The following GMDS variants were observed in gnomAD, a reference collection of about 807,000 sequenced individuals.
The protein encoded by GMDS is GDP-mannose 4,6-dehydratase, also known as GDP-mannose 4,6 dehydratase.
GMDS carries 20 observed loss-of-function variants against 49.9 expected under a neutral mutation model. That is an observed-to-expected ratio of 0.40 (90% CI 0.28 to 0.58). The LOEUF (loss-of-function observed/expected upper bound fraction) is 0.58. GMDS is among the 20% of genes least tolerant of loss of function. The pLI is 0.42. For missense variants in GMDS, 362 were observed against 481.4 expected, an observed-to-expected ratio of 0.75 and a Z score of 2.32; for synonymous variants, 177 against 178.6, an observed-to-expected ratio of 0.99 and a Z score of 0.07.
chr6:2,233,192 T>A lies in GMDS; in HGVS notation c.102+12129A>T, dbSNP rs77058846. Among the ~76,000 whole-genome samples the A allele has an allele frequency of 1.7e-3, 257 of 152,280 alleles. 2 individuals carry two copies. In the East Asian group the frequency reaches 0.043, roughly 26 times the overall value. On this transcript the variant is annotated intron_variant, in intron 1 of 10. Coordinates refer to ENST00000380815, the MANE Select transcript of GMDS (RefSeq NM_001500.4). ...CCTCCCTCAGATTCCACGATATTAC[T>A]CAGTACTTTTGTTCTCTCTCCTCTC...
At chr6:2,193,100 T>C (rs2127570608) in intron 1 of GMDS, among the ~76,000 whole-genome samples, 1 of 152,286 alleles carries the variant, frequency 6.6e-6, no homozygotes, top group Non-Finnish European at 1.5e-5. Context: ...CTACTGGCAC[T>C]GAGTGGGTGG....
chr6:1,745,769 A>G (rs1464985366), intron 7 of GMDS, among the ~76,000 whole-genome samples: 1 of 152,232 alleles, frequency 6.6e-6, no homozygotes, highest in East Asian at 1.9e-4. Context: ...TGAATAGTTT[A>G]CTGGTTTCAA....
chr6:2,112,936 TCAGTCCTCTACCCGTCTTTCTC>T (rs1774632459), intron 4 of GMDS, among the ~76,000 whole-genome samples: 1 of 152,092 alleles, frequency 6.6e-6, no homozygotes, highest in South Asian at 2.1e-4. Context: ...GATTCAATCT[TCAGTCCTCTACCCGTCTTTCTC>T]CAGTTACTAC....
At chr6:2,048,661 A>G (rs1413873297) in intron 4 of GMDS, among the ~76,000 whole-genome samples, 2 of 152,218 alleles carry the variant, frequency 1.3e-5, no homozygotes, top group Non-Finnish European at 2.9e-5. Flanking sequence ...ACTGATCACC[A>G]TCATATTACC....
intron 7 of GMDS, among the ~76,000 whole-genome samples, chr6:1,843,675 C>T (rs3778536): frequency 0.11 from 16,964 of 152,064 alleles, 1,329 homozygotes; most frequent in African/African-American, 0.21. Flanking sequence ...GGCTGAGGCA[C>T]GAGAATCACT....
chr6:1,922,170 T>C (rs1761747865), intron 7 of GMDS, among the ~76,000 whole-genome samples: 1 of 152,234 alleles, frequency 6.6e-6, no homozygotes, highest in Non-Finnish European at 1.5e-5. Context: ...CTGCACGTAG[T>C]TACACAATGC....
intron 7 of GMDS, among the ~76,000 whole-genome samples, chr6:1,813,158 G>C (rs1156333011): frequency 2.1e-5 from 3 of 144,414 alleles, no homozygotes; most frequent in Non-Finnish European, 4.5e-5. Flanking sequence ...GGAGTTCAAG[G>C]CTACAGGAAG....
chr6:1,902,704 C>A (rs755724274), intron 7 of GMDS, among the ~76,000 whole-genome samples: 2 of 152,140 alleles, frequency 1.3e-5, no homozygotes, highest in African/African-American at 4.8e-5. Context: ...GGCCAGTGGA[C>A]TTCTAAAAAT....
At position 1,929,977 on chromosome 6, in the gene GMDS, AAC is replaced by A. The variant is rs961475353; in HGVS notation, c.771+124_771+125del. 13 of 825,370 alleles carry A rather than the reference AAC, an allele frequency of 1.6e-5. No homozygotes were observed. In the African/African-American group the frequency reaches 1.9e-4, roughly 12 times the overall value. 51.1% of individuals were successfully genotyped at this position (825,370 alleles called of 1,614,324 possible). A position where few individuals can be genotyped will look rare whatever the true frequency, so the allele number is the denominator to read the frequency against. ...CTGAAGTGAAAGCAGCATGAGTGTA[AAC>A]ATACCTGCCTTGGCAAAGGTTTGTA... On this transcript the variant is annotated intron_variant, in intron 7 of 10. Coordinates refer to ENST00000380815, the MANE Select transcript of GMDS (RefSeq NM_001500.4).
chr6:2,095,281 C>A (rs1773531498), intron 4 of GMDS, among the ~76,000 whole-genome samples: 1 of 152,078 alleles, frequency 6.6e-6, no homozygotes. Context: ...CTTAATGACA[C>A]TATAGTTCAG....
intron 7 of GMDS, among the ~76,000 whole-genome samples, chr6:1,815,989 C>A (rs1238885692): frequency 6.6e-6 from 1 of 152,238 alleles, no homozygotes; most frequent in Non-Finnish European, 1.5e-5. Flanking sequence ...CATTTCCCCA[C>A]CTCTGACACA....
intron 4 of GMDS, among the ~76,000 whole-genome samples, chr6:2,027,442 T>A (rs1768670919): frequency 6.6e-6 from 1 of 152,174 alleles, no homozygotes; most frequent in South Asian, 2.1e-4. Context: ...AAGCAGGGAA[T>A]TTGAAAGATT....
At chr6:2,097,829 T>G (rs956811404) in intron 4 of GMDS, among the ~76,000 whole-genome samples, 1 of 152,168 alleles carries the variant, frequency 6.6e-6, no homozygotes. Flanking sequence ...ATGGTTAGGA[T>G]AGTGACAAAC....
At chr6:2,051,856 C>T (rs541255484) in intron 4 of GMDS, among the ~76,000 whole-genome samples, 156 of 152,172 alleles carry the variant, frequency 1.0e-3, no homozygotes, top group African/African-American at 3.5e-3. Flanking sequence ...CAGTGGCTCA[C>T]GCCTGTAATG....
rs139627380 is a variant in GMDS, at chr6:1,997,805, T to A, written c.346-36839A>T. 5.9e-5 allele frequency among the ~76,000 whole-genome samples: 9 copies of A among 152,232 alleles called. No individual in the cohort carries two copies. In the East Asian group the frequency reaches 1.7e-3, roughly 29 times the overall value. ...GAGGGGCACCTGCCAACTACCCACA[T>A]TGATCAGTTTATACCTCTCTATAAA... On this transcript the variant is annotated intron_variant, in intron 4 of 10. Transcript: ENST00000380815.
In GMDS at chr6:1,804,920, A is replaced by T. The variant is rs186709170; in HGVS notation, c.772-62334T>A. ...ATGTATTTCCAAGGGCTTCAAAAGA[A>T]TTAATGCCTTCGTTCGAGGAAAAAC... is the stretch of plus-strand genomic sequence containing the variant. On this transcript the variant is annotated intron_variant, in intron 7 of 10. Coordinates refer to ENST00000380815, the MANE Select transcript of GMDS (RefSeq NM_001500.4). Among the ~76,000 whole-genome samples the T allele has an allele frequency of 3.3e-5, 5 of 152,352 alleles. No homozygotes were observed. In the East Asian group the frequency reaches 9.6e-4, roughly 29 times the overall value.
intron 9 of GMDS, among the ~76,000 whole-genome samples, chr6:1,665,829 A>C (rs1764218019): frequency 6.6e-6 from 1 of 152,244 alleles, no homozygotes; most frequent in African/African-American, 2.4e-5. Flanking sequence ...TCAGGCTACA[A>C]GGAAGCCCGC....
At chr6:1,695,525 G>C (rs1213284391) in intron 9 of GMDS, among the ~76,000 whole-genome samples, 1 of 152,206 alleles carries the variant, frequency 6.6e-6, no homozygotes, top group African/African-American at 2.4e-5. Context: ...CAGATTTTCT[G>C]TATGTTATAT....
intron 4 of GMDS, among the ~76,000 whole-genome samples, chr6:2,016,285 C>T (rs909158652): frequency 1.0e-4 from 15 of 148,570 alleles, no homozygotes; most frequent in Non-Finnish European, 2.1e-4. Context: ...AGAAAGCAGA[C>T]GATGAAAAAA....
Sources: allele counts gnomAD v4.1 joint callset (sites outside exome capture counted in the v4.1 genomes callset), GRCh38; gene constraint gnomAD v4.1.1; transcripts MANE v1.5; gene names NCBI Gene and HGNC (gene_info 2026-07-23, HGNC 2026-07-21).